Variants in VSTM2A observed in about 807,000 individuals in gnomAD.
VSTM2A encodes the protein V-set and transmembrane domain containing 2A.
VSTM2A carries 13 observed loss-of-function variants against 27.3 expected under a neutral mutation model. That is an observed-to-expected ratio of 0.48 (90% CI 0.31 to 0.76). VSTM2A has a LOEUF of 0.76. VSTM2A is among the 30% of genes least tolerant of loss of function. The pLI is 0.05. For missense variants in VSTM2A, 280 were observed against 310.0 expected (o/e 0.90, Z 0.73); for synonymous variants, 142 against 125.7 (o/e 1.13, Z -0.87).
At chr7:54,561,093 A>T in intron 4 of VSTM2A, among the ~76,000 whole-genome samples, 1 of 152,196 alleles carries the variant, frequency 6.6e-6, no homozygotes. Context: ...TCCTACATTT[A>T]GGGATTAAGC....
At chr7:54,550,690 G>C (rs1028944197) in intron 4 of VSTM2A, 1 of 158,128 alleles carries the variant, frequency 6.3e-6, no homozygotes, top group Non-Finnish European at 1.4e-5. Flanking sequence ...AAGGATGGAG[G>C]GGGGATTGAA....
chr7:54,557,009 T>C (rs1788381978), intron 4 of VSTM2A: 1 of 152,218 alleles, frequency 6.6e-6, no homozygotes, highest in African/African-American at 2.4e-5. Context: ...CCTGGCTAGA[T>C]GGCCAAAGTG....
Position 54,542,459 on chromosome 7 carries a change from A to G in VSTM2A, c.-272A>G. 1 of 473,850 alleles carries G rather than the reference A, an allele frequency of 2.1e-6. No homozygotes were observed. Among genetic ancestry groups the G allele is most frequent in the Non-Finnish European group, 3.7e-6 (1 of 270,112 alleles). The allele number at this position is 473,850 out of a possible 1,614,324, so 29.4% of individuals were successfully genotyped here. On this transcript the variant is annotated 5_prime_UTR_variant, in exon 1 of 5. Coordinates refer to ENST00000402613, the MANE Select transcript of VSTM2A (RefSeq NM_001301009.2). The stretch of plus-strand genomic sequence containing the variant: ...GCTGACGTTGGACGAGCTGCCAGGT[A>G]GCTGAAAGCAGGCAGCCAGGCAGCC...
chr7:54,565,334 A>C (rs1788687927), intron 4 of VSTM2A, among the ~76,000 whole-genome samples: 1 of 152,220 alleles, frequency 6.6e-6, no homozygotes, highest in African/African-American at 2.4e-5. Flanking sequence ...CACAGTGCCT[A>C]CTGCATGTTG....
At chr7:54,556,233 T>TCA (rs982267669) in intron 4 of VSTM2A, among the ~76,000 whole-genome samples, 2 of 152,218 alleles carry the variant, frequency 1.3e-5, no homozygotes, top group African/African-American at 2.4e-5. Flanking sequence ...GTGAAGGTGG[T>TCA]ACTTGTGTCT....
At chr7:54,560,493 A>G (rs1788522217) in intron 4 of VSTM2A, among the ~76,000 whole-genome samples, 1 of 152,152 alleles carries the variant, frequency 6.6e-6, no homozygotes, top group Non-Finnish European at 1.5e-5. Flanking sequence ...ACAACCCCCA[A>G]TTCCAAGGGA....
chr7:54,544,740 G>C lies in VSTM2A; in HGVS notation c.198G>C (p.Leu66=). ...SVYLEIQWWF[L]RGPEDLDPGA... ...ATCTGGAGATCCAATGGTGGTTCCTGCGGGGGCCGGAGGACCTGGATCCCG... is the reference window on the plus strand; with the variant it reads ...ATCTGGAGATCCAATGGTGGTTCCTCCGGGGGCCGGAGGACCTGGATCCCG... Residue 66 remains leucine (L), a synonymous_variant, in exon 2 of 5, where the codon CTG becomes CTC. Transcript: ENST00000402613. 7 of 1,612,436 alleles carry C rather than the reference G, an allele frequency of 4.3e-6. No individual in the cohort carries two copies. The highest frequency in any genetic ancestry group is 5.1e-6 in the Non-Finnish European group (6 of 1,179,772).
chr7:54,559,694 A>G (rs936651511), intron 4 of VSTM2A: 2 of 152,140 alleles, frequency 1.3e-5, no homozygotes, highest in Admixed American at 1.3e-4. Flanking sequence ...AATACTTACC[A>G]TGGAGTTTTT....
At chr7:54,561,896 C>T (rs1788572438) in intron 4 of VSTM2A, among the ~76,000 whole-genome samples, 1 of 151,536 alleles carries the variant, frequency 6.6e-6, no homozygotes, top group South Asian at 2.1e-4. Context: ...CATTAATGAA[C>T]CATAAAAATT....
intron 4 of VSTM2A, among the ~76,000 whole-genome samples, chr7:54,566,736 G>C (rs1249097617): frequency 6.6e-6 from 1 of 152,192 alleles, no homozygotes; most frequent in Non-Finnish European, 1.5e-5. Flanking sequence ...GAAACATGTG[G>C]AAATAGTATC....
At chr7:54,553,172 C>G (rs1788244566) in intron 4 of VSTM2A, among the ~76,000 whole-genome samples, 1 of 152,198 alleles carries the variant, frequency 6.6e-6, no homozygotes, top group African/African-American at 2.4e-5. Flanking sequence ...TAGTCCCATA[C>G]CTTTTCCAGA....
intron 4 of VSTM2A, among the ~76,000 whole-genome samples, chr7:54,567,505 C>T (rs1788760184): frequency 6.6e-6 from 1 of 152,138 alleles, no homozygotes; most frequent in Admixed American, 6.5e-5. Flanking sequence ...TGGGGTCAGC[C>T]ATGTCCTATG....
intron 4 of VSTM2A, chr7:54,559,439 A>G (rs1434414383): frequency 6.6e-6 from 1 of 152,086 alleles, no homozygotes; most frequent in Non-Finnish European, 1.5e-5. Flanking sequence ...ACACCTTCTC[A>G]TTAAAAAAAA....
At chr7:54,557,578 C>T (rs531724377) in intron 4 of VSTM2A, among the ~76,000 whole-genome samples, 62 of 152,174 alleles carry the variant, frequency 4.1e-4, no homozygotes, top group African/African-American at 1.4e-3. Flanking sequence ...AAGTGATCCC[C>T]TCTCTTTGGC....
chr7:54,544,624 A>C lies in VSTM2A; in HGVS notation c.82A>C (p.Lys28Gln), dbSNP rs769393804. The change falls in exon 2 of 5, where the codon AAA becomes CAA. Residue 28 changes from lysine (K) to glutamine (Q), a missense_variant and splice_region_variant. Coordinates refer to ENST00000402613, the MANE Select transcript of VSTM2A (RefSeq NM_001301009.2). ...CAGGATGCCTTTCTGTTTTGCAGCAAAATTTACCGAGTTTCCGCGGAACGT... is the reference window on the plus strand; with the variant it reads ...CAGGATGCCTTTCTGTTTTGCAGCACAATTTACCGAGTTTCCGCGGAACGT... ...YVQQGLSSQA[K>Q]FTEFPRNVTA... 6.2e-7 allele frequency: 1 copy of C among 1,612,842 alleles called. No individual in the cohort carries two copies. Among genetic ancestry groups the C allele is most frequent in the Non-Finnish European group, 8.5e-7 (1 of 1,179,838 alleles).
chr7:54,546,574 GCCCA>G (rs544108189), intron 2 of VSTM2A: 26,645 of 108,838 alleles, frequency 0.24, 2,563 homozygotes, highest in African/African-American at 0.27. Flanking sequence ...CTGCCCGCCC[GCCCA>G]CCCACCTCCG....
intron 4 of VSTM2A, among the ~76,000 whole-genome samples, chr7:54,563,619 G>A (rs192568332): frequency 7.9e-5 from 12 of 152,292 alleles, no homozygotes; most frequent in African/African-American, 2.9e-4. Flanking sequence ...AGCAACAAGA[G>A]AGAACAGTCT....
chr7:54,561,073 A>G lies in VSTM2A; in HGVS notation c.635-8058A>G, dbSNP rs575716667. 3.3e-5 allele frequency among the ~76,000 whole-genome samples: 5 copies of G among 152,318 alleles called. No homozygotes were observed. The East Asian group carries it at 9.6e-4, about 29-fold the overall frequency. ...TAACTTCTAGCGTTGTAAATAGTTA[A>G]TTTGAAAAATCCTACATTTAGGGAT... On this transcript the variant is annotated intron_variant, in intron 4 of 4. Coordinates refer to ENST00000402613, the MANE Select transcript of VSTM2A (RefSeq NM_001301009.2).
At position 54,569,451 on chromosome 7, in the gene VSTM2A, A is replaced by G; in HGVS notation, c.*232A>G. 1 of 636,244 alleles carries G rather than the reference A, an allele frequency of 1.6e-6. No homozygotes were observed. The highest frequency in any genetic ancestry group is 2.1e-5 in the South Asian group (1 of 46,860). The allele number at this position is 636,244 out of a possible 1,614,324, so 39.4% of individuals were successfully genotyped here. ...CCTGAATGTCATCAGGATAGGGAAT[A>G]TTTACTATGGATACCACTAATTTCC... On this transcript the variant is annotated 3_prime_UTR_variant, in exon 5 of 5. Transcript: ENST00000402613.
Sources: gnomAD v4.1 joint callset for allele counts (sites outside exome capture counted in the v4.1 genomes callset) on GRCh38, gnomAD v4.1.1 for gene constraint, MANE v1.5 for transcripts, NCBI Gene and HGNC (gene_info 2026-07-23, HGNC 2026-07-21) for gene names.